UNC13B: variants seen among roughly 807,000 people sequenced by gnomAD.
The protein encoded by UNC13B is protein unc-13 homolog B.
UNC13B carries 144 observed loss-of-function variants against 211.0 expected under a neutral mutation model. The ratio of observed to expected loss-of-function variants is 0.68; its 90% CI spans 0.60 to 0.78. The LOEUF (loss-of-function observed/expected upper bound fraction) is 0.78. Among genes scored for constraint, UNC13B ranks in the 30% least tolerant of loss-of-function variants. The probability of loss-of-function intolerance (pLI) is 0.00; values close to 1 mark genes in which losing one functional copy is unlikely to be tolerated. For synonymous variants in UNC13B, 709 were observed against 725.8 expected (o/e 0.98, Z 0.37); for missense variants, 1,777 against 2,002.0 (o/e 0.89, Z 2.14).
At chr9:35,298,980 C>T (rs1185436758) in intron 8 of UNC13B, among the ~76,000 whole-genome samples, 1 of 152,128 alleles carries the variant, frequency 6.6e-6, no homozygotes, top group Admixed American at 6.5e-5. Flanking sequence ...CCTGTAATTC[C>T]AGTAGTTTGG....
chr9:35,345,260 T>G (rs1832279457), intron 11 of UNC13B, among the ~76,000 whole-genome samples: 2 of 152,150 alleles, frequency 1.3e-5, no homozygotes, highest in South Asian at 4.2e-4. Flanking sequence ...ACGACAATAC[T>G]GGGGTTTTGT....
rs1311611301 is a variant in UNC13B at position 35,399,291 on chromosome 9, A to G, written c.12198+7A>G. 1 of 1,613,960 alleles carries G rather than the reference A, an allele frequency of 6.2e-7. No homozygotes were observed. Among genetic ancestry groups the G allele is most frequent in the African/African-American group, 1.3e-5 (1 of 74,874 alleles). On this transcript the variant is annotated splice_region_variant and intron_variant, in intron 34 of 39. Coordinates refer to ENST00000635942, the MANE Select transcript of UNC13B (RefSeq NM_001371189.2). ...CCCACTCACTGACCAGACGGTAAGG[A>G]CACCTCCTTCCACTTCCTCCTGCTG...
chr9:35,281,423 AG>A (rs145306623), intron 7 of UNC13B, among the ~76,000 whole-genome samples: 29,787 of 145,282 alleles, frequency 0.21, 3,210 homozygotes, highest in Non-Finnish European at 0.24. Context: ...AAAAAAAAAA[AG>A]AGAGAGAGAG....
chr9:35,182,043 G>C (rs1821965698), intron 1 of UNC13B, among the ~76,000 whole-genome samples: 1 of 152,146 alleles, frequency 6.6e-6, no homozygotes, highest in African/African-American at 2.4e-5. Flanking sequence ...GCAGTGGGCA[G>C]GAAGAAGCTG....
rs376946420 is a variant in UNC13B at position 35,203,934 on chromosome 9, G to A, written c.23-24081G>A. Among the ~76,000 whole-genome samples the A allele has an allele frequency of 8.6e-4, 131 of 152,358 alleles. 2 individuals are homozygous for A. In the South Asian group the frequency reaches 0.019, roughly 23 times the overall value. Reference sequence around the variant, plus strand: ...ACAACGAGGAAAAGACCTTGAAGGCGTTTCAGAGAACTTTGTGGCAGCCTC... The same window carrying A: ...ACAACGAGGAAAAGACCTTGAAGGCATTTCAGAGAACTTTGTGGCAGCCTC... On this transcript the variant is annotated intron_variant, in intron 1 of 39. Transcript: ENST00000635942.
At chr9:35,172,118 TC>T (rs1564042932) in intron 1 of UNC13B, among the ~76,000 whole-genome samples, 2 of 151,724 alleles carry the variant, frequency 1.3e-5, no homozygotes, top group Non-Finnish European at 2.9e-5. Flanking sequence ...CAAGGCCTCC[TC>T]CTGCCTCCGC....
chr9:35,360,046 A>G (rs556913920), intron 11 of UNC13B, among the ~76,000 whole-genome samples: 12 of 152,304 alleles, frequency 7.9e-5, no homozygotes, highest in African/African-American at 2.6e-4. Flanking sequence ...CTCTCACCTC[A>G]GGCTTTGCAT....
chr9:35,268,717 T>C (rs897206351), intron 7 of UNC13B, among the ~76,000 whole-genome samples: 1 of 152,196 alleles, frequency 6.6e-6, no homozygotes, highest in East Asian at 1.9e-4. Flanking sequence ...TTATTTGTGA[T>C]GCTGATGTTA....
chr9:35,241,749 A>G (rs1294405208), intron 5 of UNC13B, among the ~76,000 whole-genome samples: 1 of 151,776 alleles, frequency 6.6e-6, no homozygotes, highest in African/African-American at 2.4e-5. Context: ...TGCACTTCCC[A>G]CTCTCCTTCT....
intron 11 of UNC13B, chr9:35,352,813 C>T (rs1832801663): frequency 8.1e-7 from 1 of 1,232,092 alleles, no homozygotes. Flanking sequence ...AGGAACCTGC[C>T]CTAGTATTAA....
chr9:35,267,677 C>T (rs140668463), intron 7 of UNC13B, among the ~76,000 whole-genome samples: 2 of 152,230 alleles, frequency 1.3e-5, no homozygotes, highest in Non-Finnish European at 2.9e-5. Context: ...TTGGTTGTTC[C>T]TGCCCTCTGA....
intron 23 of UNC13B, 56 bp downstream of exon 23, chr9:35,385,869 C>G: frequency 6.4e-7 from 1 of 1,567,154 alleles, no homozygotes. Flanking sequence ...GCTACAGGAA[C>G]GTGAAGAATG....
chr9:35,182,802 T>C (rs1822015265), intron 1 of UNC13B, among the ~76,000 whole-genome samples: 1 of 152,220 alleles, frequency 6.6e-6, no homozygotes, highest in South Asian at 2.1e-4. Context: ...AGGTTATAGA[T>C]TAACAGCATC....
rs776381475 is a variant in UNC13B at position 35,404,109 on chromosome 9, G to A, written c.*76G>A. The A allele has an allele frequency of 6.4e-5, 98 of 1,538,746 alleles. No homozygotes were observed. Among genetic ancestry groups the A allele is most frequent in the Non-Finnish European group, 7.8e-5 (89 of 1,143,790 alleles). ...GCCAGTGGGAGTTAGCTGTGTAACC[G>A]GCTTAGGGTCTTTGCAGTCAAGAGG... On this transcript the variant is annotated 3_prime_UTR_variant, in exon 40 of 40. Coordinates refer to ENST00000635942, the MANE Select transcript of UNC13B (RefSeq NM_001371189.2).
intron 11 of UNC13B, among the ~76,000 whole-genome samples, chr9:35,365,118 G>A (rs911071878): frequency 1.1e-4 from 16 of 152,200 alleles, no homozygotes; most frequent in African/African-American, 2.2e-4. Context: ...GCCCTGTTAC[G>A]TGGTTTCCCC....
chr9:35,282,601 T>A (rs1344061839), intron 7 of UNC13B, among the ~76,000 whole-genome samples: 1 of 151,878 alleles, frequency 6.6e-6, no homozygotes, highest in Non-Finnish European at 1.5e-5. Flanking sequence ...CCGGATAATT[T>A]TTTTTGTATT....
chr9:35,404,114 A>G lies in UNC13B; in HGVS notation c.*81A>G. The G allele has an allele frequency of 7.8e-6, 12 of 1,532,286 alleles. No individual in the cohort carries two copies. In the South Asian group the frequency reaches 1.5e-4, roughly 19 times the overall value. The allele number at this position is 1,532,286 out of a possible 1,614,324, so 94.9% of individuals were successfully genotyped here. On this transcript the variant is annotated 3_prime_UTR_variant, in exon 40 of 40. Coordinates refer to ENST00000635942, the MANE Select transcript of UNC13B (RefSeq NM_001371189.2). ...TGGGAGTTAGCTGTGTAACCGGCTT[A>G]GGGTCTTTGCAGTCAAGAGGCTGAC... is the stretch of plus-strand genomic sequence containing the variant.
In UNC13B at chr9:35,399,655, A is replaced by G. The variant is rs148132181; in HGVS notation, c.12262A>G (p.Met4088Val). The G allele has an allele frequency of 1.5e-5, 24 of 1,614,008 alleles. No individual in the cohort carries two copies. The highest frequency in any genetic ancestry group is 1.9e-5 in the Non-Finnish European group (22 of 1,180,022). The change falls in exon 36 of 40, where the codon ATG becomes GTG. Residue 4088 changes from methionine to valine, a missense_variant. Met to Val is a conservative substitution (Grantham distance 21, BLOSUM62 1). Transcript: ENST00000635942. ...LSHLSKLKDHMVREETRNLTP... is the reference protein window; with the variant it reads ...LSHLSKLKDHVVREETRNLTP... Reference sequence around the variant, plus strand: ...TGCTGATTTCTCTGAACAGGATCACATGGTACGAGAGGAAACACGGAATCT... The same window carrying G: ...TGCTGATTTCTCTGAACAGGATCACGTGGTACGAGAGGAAACACGGAATCT...
intron 12 of UNC13B, among the ~76,000 whole-genome samples, chr9:35,368,063 AT>A (rs962570370): frequency 9.2e-5 from 14 of 152,100 alleles, no homozygotes; most frequent in African/African-American, 3.1e-4. Flanking sequence ...TTAAAAAAAA[AT>A]TTTTTTTAAC....
Sources: gnomAD v4.1 joint callset for allele counts (sites outside exome capture counted in the v4.1 genomes callset) on GRCh38, gnomAD v4.1.1 for gene constraint, MANE v1.5 for transcripts, NCBI Gene and HGNC (gene_info 2026-07-23, HGNC 2026-07-21) for gene names.